Variants in COL24A1 observed in about 807,000 individuals in gnomAD.
The protein encoded by COL24A1 is collagen type XXIV alpha 1 chain, also known as collagen alpha-1(XXIV) chain.
Under a neutral mutation model 253.9 loss-of-function variants are expected in COL24A1, and 224 were observed. That is an observed-to-expected ratio of 0.88 (90% CI 0.79 to 0.99). The LOEUF (loss-of-function observed/expected upper bound fraction) is 0.99, where lower values mean the gene tolerates loss of function less well. Among genes scored for constraint, COL24A1 ranks in the 50% least tolerant of loss-of-function variants. COL24A1 has a pLI of 0.00. For missense variants in COL24A1, 2,131 were observed against 2,068.5 expected, an observed-to-expected ratio of 1.03 and a Z score of -0.59; for synonymous variants, 685 against 673.7, an observed-to-expected ratio of 1.02 and a Z score of -0.26.
chr1:86,010,128 CAT>C (rs1696358883), intron 19 of COL24A1, among the ~76,000 whole-genome samples: 2 of 152,002 alleles, frequency 1.3e-5, no homozygotes, highest in Non-Finnish European at 1.5e-5. Context: ...CAGAAGAAAA[CAT>C]AGGTGATTTC....
At chr1:85,871,183 C>T (rs757876394) in intron 35 of COL24A1, among the ~76,000 whole-genome samples, 3 of 151,984 alleles carry the variant, frequency 2.0e-5, no homozygotes, top group Non-Finnish European at 1.5e-5. Flanking sequence ...CAATAATAGG[C>T]TCTAAATTGA....
At chr1:85,907,173 T>C in intron 28 of COL24A1, 21 bp downstream of exon 28, 1 of 1,604,600 alleles carries the variant, frequency 6.2e-7, no homozygotes, top group South Asian at 1.1e-5. Context: ...GTTAATGTAC[T>C]TTTTTCCTTA....
chr1:85,863,963 C>A (rs953881106), intron 37 of COL24A1, among the ~76,000 whole-genome samples: 4 of 152,144 alleles, frequency 2.6e-5, no homozygotes, highest in African/African-American at 9.7e-5. Context: ...GGACTGTAAC[C>A]TAGTTCAACA....
intron 28 of COL24A1, among the ~76,000 whole-genome samples, chr1:85,902,990 A>T (rs6676291): frequency 2.0e-5 from 3 of 152,320 alleles, no homozygotes; most frequent in Admixed American, 6.5e-5. Flanking sequence ...CTTACTATTC[A>T]TTCTATGCAT....
At chr1:85,869,492 G>A (rs1455353137) in intron 35 of COL24A1, among the ~76,000 whole-genome samples, 2 of 152,140 alleles carry the variant, frequency 1.3e-5, no homozygotes, top group Non-Finnish European at 2.9e-5. Flanking sequence ...GACTAACAGC[G>A]GATCTCTTGG....
At chr1:85,761,697 G>C in intron 53 of COL24A1, 131 bp from the exon 54 acceptor site, 1 of 804,724 alleles carries the variant, frequency 1.2e-6, no homozygotes, top group East Asian at 2.6e-5. Context: ...AATTGTTTTA[G>C]TATTCTAAAG....
intron 32 of COL24A1, among the ~76,000 whole-genome samples, chr1:85,879,805 T>C (rs887680003): frequency 1.3e-5 from 2 of 152,188 alleles, no homozygotes; most frequent in African/African-American, 2.4e-5. Flanking sequence ...TTGTTCTCAC[T>C]GTCTCAGGGG....
At chr1:85,930,140 C>T (rs1687675713) in intron 24 of COL24A1, among the ~76,000 whole-genome samples, 1 of 67,616 alleles carries the variant, frequency 1.5e-5, no homozygotes, top group African/African-American at 6.7e-5. Context: ...TGAATGAATC[C>T]AGGAGCTGGT....
At chr1:85,746,014 A>T (rs532009981) in intron 55 of COL24A1, among the ~76,000 whole-genome samples, 23 of 152,340 alleles carry the variant, frequency 1.5e-4, no homozygotes. Context: ...GAGTCCCAAA[A>T]GAAATAATAC....
chr1:86,057,072 G>A (rs189852501), intron 10 of COL24A1, among the ~76,000 whole-genome samples: 348 of 152,228 alleles, frequency 2.3e-3, no homozygotes, highest in African/African-American at 8.1e-3. Flanking sequence ...TGTTGGAGGT[G>A]TGGCCTGGTG....
Position 86,125,736 on chromosome 1 carries a change from A to T in COL24A1, c.600T>A (p.Asn200Lys). Residue 200 changes from asparagine (N) to lysine (K), a missense_variant, in exon 3 of 60, where the codon AAT (asparagine) becomes AAA (lysine). By Grantham distance (94) the Asn-to-Lys change is moderately conservative. Coordinates refer to ENST00000370571, the MANE Select transcript of COL24A1 (RefSeq NM_152890.7). ...TCATACTTCCTAAAGTAAACACACT[A>T]TTAGAATCAAAGGTCTGAACTTCTG... ...TIPEVQTFDS[N>K]SVFTLGSMNN... The T allele has an allele frequency of 6.2e-7, 1 of 1,611,274 alleles. No individual in the cohort carries two copies. Among genetic ancestry groups the T allele is most frequent in the South Asian group, 1.1e-5 (1 of 90,634 alleles).
chr1:85,772,844 C>T (rs1385703855), intron 53 of COL24A1, among the ~76,000 whole-genome samples: 1 of 152,134 alleles, frequency 6.6e-6, no homozygotes, highest in East Asian at 1.9e-4. Context: ...ATGATAGTTT[C>T]TTTTGCTGTG....
chr1:85,745,064 T>C (rs983383627), intron 56 of COL24A1, among the ~76,000 whole-genome samples: 1 of 152,038 alleles, frequency 6.6e-6, no homozygotes, highest in Non-Finnish European at 1.5e-5. Context: ...AGAATTGCTA[T>C]GTCTACTGTA....
intron 39 of COL24A1, among the ~76,000 whole-genome samples, chr1:85,844,039 A>T (rs1253030800): frequency 6.6e-6 from 1 of 152,066 alleles, no homozygotes; most frequent in Non-Finnish European, 1.5e-5. Flanking sequence ...AGAAAGCTAT[A>T]AGGATTTAAG....
intron 1 of COL24A1, among the ~76,000 whole-genome samples, chr1:86,149,870 GATGACTA>G (rs1652500500): frequency 6.6e-6 from 1 of 152,200 alleles, no homozygotes; most frequent in East Asian, 1.9e-4. Context: ...TATGAAAGCT[GATGACTA>G]ATGGACTGGT....
At position 85,910,004 on chromosome 1, in the gene COL24A1, C is replaced by G. The variant is rs1455941260; in HGVS notation, c.2617-1G>C. On this transcript the variant is annotated splice_acceptor_variant, in intron 25 of 59. Transcript: ENST00000370571. LOFTEE classifies it high-confidence loss of function. ...GTGGGCCTGGACTTCCACGTTCTCC[C>G]TTTTAAGAGAACAAAGAAAAAAGAG... The G allele has an allele frequency of 5.6e-6, 9 of 1,607,990 alleles. No homozygotes were observed. Among genetic ancestry groups the G allele is most frequent in the Admixed American group, 3.3e-5 (2 of 59,862 alleles).
At chr1:85,941,179 T>C (rs1688724420) in intron 24 of COL24A1, among the ~76,000 whole-genome samples, 2 of 152,330 alleles carry the variant, frequency 1.3e-5, no homozygotes, top group South Asian at 4.1e-4. Flanking sequence ...TATGCTTATA[T>C]GCAGAACATT....
At chr1:85,865,355 A>G (rs903057149) in intron 37 of COL24A1, among the ~76,000 whole-genome samples, 4 of 152,164 alleles carry the variant, frequency 2.6e-5, no homozygotes, top group Non-Finnish European at 5.9e-5. Flanking sequence ...TGGTATTTTT[A>G]TTGAGTTTAC....
intron 2 of COL24A1, among the ~76,000 whole-genome samples, chr1:86,144,507 G>A (rs1026632131): frequency 6.6e-6 from 1 of 152,080 alleles, no homozygotes; most frequent in African/African-American, 2.4e-5. Context: ...CCACTTCTTT[G>A]AGTCTCAGTT....
Sources: allele counts gnomAD v4.1 joint callset (sites outside exome capture counted in the v4.1 genomes callset), GRCh38; gene constraint gnomAD v4.1.1; transcripts MANE v1.5; gene names NCBI Gene and HGNC (gene_info 2026-07-23, HGNC 2026-07-21).